Variants in CHAF1B observed in about 807,000 individuals in gnomAD.
CHAF1B encodes the protein chromatin assembly factor 1 subunit B.
A neutral mutation model predicts 60.7 loss-of-function variants in CHAF1B; 10 were observed. The ratio of observed to expected loss-of-function variants is 0.16; its 90% CI spans 0.10 to 0.28. The LOEUF (loss-of-function observed/expected upper bound fraction) is 0.28, where lower values mean the gene tolerates loss of function less well. CHAF1B is among the 10% of genes least tolerant of loss of function. CHAF1B has a pLI of 1.00. For synonymous variants in CHAF1B, 261 were observed against 266.1 expected, an observed-to-expected ratio of 0.98 and a Z score of 0.19; for missense variants, 558 against 708.4, an observed-to-expected ratio of 0.79 and a Z score of 2.41.
intron 13 of CHAF1B, among the ~76,000 whole-genome samples, 195 bp downstream of exon 13, chr21:36,415,584 G>A (rs1423135228): frequency 6.6e-6 from 1 of 152,092 alleles, no homozygotes; most frequent in African/African-American, 2.4e-5. Context: ...AGAGCATCCT[G>A]GTGAGCCAGG....
Position 36,413,005 on chromosome 21 carries a change from C to G in CHAF1B, c.1183C>G (p.Pro395Ala). Reference protein sequence around the residue: ...KEKPVLNMRTPDTAKKTKSQT... With the variant: ...KEKPVLNMRTADTAKKTKSQT... ...GAAGCCAGTTTTGAACATGAGAACT[C>G]CTGATACAGCAAAGAAAACCAAGAG... Residue 395 changes from proline (P) to alanine (A), a missense_variant, in exon 12 of 14, where the codon CCT (proline) becomes GCT (alanine). Coordinates refer to ENST00000314103, the MANE Select transcript of CHAF1B (RefSeq NM_005441.3). The G allele has an allele frequency of 6.2e-7, 1 of 1,614,176 alleles. No homozygotes were observed. Among genetic ancestry groups the G allele is most frequent in the Non-Finnish European group, 8.5e-7 (1 of 1,180,042 alleles).
At chr21:36,408,166 A>G (rs528684916) in intron 8 of CHAF1B, among the ~76,000 whole-genome samples, 1 of 152,324 alleles carries the variant, frequency 6.6e-6, no homozygotes, top group East Asian at 1.9e-4. Flanking sequence ...TATGATGGTC[A>G]CTCTGACAGG....
chr21:36,394,575 T>C lies in CHAF1B; in HGVS notation c.406T>C (p.Cys136Arg). Residue 136 changes from cysteine to arginine, a missense_variant, in exon 5 of 14, where the codon TGC becomes CGC. Physicochemically the swap from Cys to Arg is radical, Grantham distance 180. Coordinates refer to ENST00000314103, the MANE Select transcript of CHAF1B (RefSeq NM_005441.3). The stretch of plus-strand genomic sequence containing the variant: ...CCACTTAGAAGATGTGTATGATATT[T>C]GCTGGGCAACTGATGGGAATTTAAT... Reference protein sequence around the residue: ...RGHLEDVYDICWATDGNLMAS... With the variant: ...RGHLEDVYDIRWATDGNLMAS... 1 of 1,613,818 alleles carries C rather than the reference T, an allele frequency of 6.2e-7. No individual in the cohort carries two copies. The highest frequency in any genetic ancestry group is 8.5e-7 in the Non-Finnish European group (1 of 1,179,826).
intron 8 of CHAF1B, among the ~76,000 whole-genome samples, chr21:36,403,103 G>A (rs949137271): frequency 6.6e-6 from 1 of 152,138 alleles, no homozygotes; most frequent in African/African-American, 2.4e-5. Flanking sequence ...CCAAGTGATT[G>A]TAATGTGCAG....
At chr21:36,404,391 G>A (rs918133412) in intron 8 of CHAF1B, among the ~76,000 whole-genome samples, 16 of 147,666 alleles carry the variant, frequency 1.1e-4, no homozygotes, top group African/African-American at 3.0e-4. Flanking sequence ...GAGCCACCAC[G>A]CCCGGCCCTT....
intron 8 of CHAF1B, among the ~76,000 whole-genome samples, chr21:36,406,333 T>G (rs1288810542): frequency 6.6e-6 from 1 of 152,214 alleles, no homozygotes; most frequent in Non-Finnish European, 1.5e-5. Flanking sequence ...TCGCCCAGGC[T>G]TGAGAGCATT....
Position 36,386,279 on chromosome 21 carries a change from A to G in CHAF1B, c.126+17A>G, listed in dbSNP as rs1246581082. ...AATGTCAGGGTAAACTGGGGCAGAG[A>G]TAGACATCCGGGAACACTGCTTGAA... On this transcript the variant is annotated intron_variant, in intron 2 of 13. Coordinates refer to ENST00000314103, the MANE Select transcript of CHAF1B (RefSeq NM_005441.3). 6.2e-7 allele frequency: 1 copy of G among 1,612,962 alleles called. No homozygotes were observed. Among genetic ancestry groups the G allele is most frequent in the Non-Finnish European group, 8.5e-7 (1 of 1,179,548 alleles).
intron 7 of CHAF1B, among the ~76,000 whole-genome samples, chr21:36,401,635 ATAAT>A (rs928841561): frequency 7.1e-5 from 10 of 140,100 alleles, no homozygotes; most frequent in Non-Finnish European, 1.2e-4. Flanking sequence ...TATATTATAT[ATAAT>A]ATATATTTTT....
chr21:36,410,880 C>T (rs1259689129), intron 10 of CHAF1B, among the ~76,000 whole-genome samples: 1 of 151,922 alleles, frequency 6.6e-6, no homozygotes, highest in Admixed American at 6.6e-5. Flanking sequence ...AGTCTGGTTT[C>T]GAACTCCTGA....
intron 8 of CHAF1B, among the ~76,000 whole-genome samples, chr21:36,404,660 C>T (rs565222338): frequency 1.3e-5 from 2 of 150,268 alleles, no homozygotes; most frequent in African/African-American, 2.4e-5. Context: ...TCTCGAACTC[C>T]GGACCTCAGG....
Position 36,416,680 on chromosome 21 carries a change from G to A in CHAF1B, c.*314G>A, listed in dbSNP as rs1390097593. ...TCCTCCCTGGCATCCTCGTGAAAGT[G>A]CACACACTTCATGGAGGGACTCCTT... On this transcript the variant is annotated 3_prime_UTR_variant, in exon 14 of 14. Transcript: ENST00000314103. 3 of 229,200 alleles carry A rather than the reference G, an allele frequency of 1.3e-5. No homozygotes were observed. The highest frequency in any genetic ancestry group is 2.6e-5 in the Non-Finnish European group (3 of 117,248). 14.2% of individuals were successfully genotyped at this position (229,200 alleles called of 1,614,324 possible).
chr21:36,385,873 G>A (rs117809388), intron 1 of CHAF1B, among the ~76,000 whole-genome samples, 187 bp from the exon 2 acceptor site: 3,018 of 152,280 alleles, frequency 0.02, 54 homozygotes, highest in Admixed American at 0.043. Context: ...ATGTAGCGGC[G>A]TATCATAAAC....
intron 9 of CHAF1B, 104 bp downstream of exon 9, chr21:36,408,934 A>C: frequency 1.3e-6 from 1 of 743,396 alleles, no homozygotes; most frequent in Non-Finnish European, 2.3e-6. Flanking sequence ...TGCTCACTGC[A>C]ACCTCTGCCT....
At chr21:36,394,184 C>T (rs764394407) in intron 4 of CHAF1B, among the ~76,000 whole-genome samples, 16 of 151,490 alleles carry the variant, frequency 1.1e-4, no homozygotes, top group Non-Finnish European at 1.9e-4. Flanking sequence ...TCAAGTGATT[C>T]CCCTCCCTCA....
intron 9 of CHAF1B, among the ~76,000 whole-genome samples, 170 bp from the exon 10 acceptor site, chr21:36,409,204 T>C (rs2086259071): frequency 1.3e-5 from 2 of 150,648 alleles, no homozygotes; most frequent in African/African-American, 4.9e-5. Context: ...TTTCGTCATG[T>C]TGGCCAGGCT....
intron 2 of CHAF1B, 109 bp from the exon 3 acceptor site, chr21:36,387,489 G>A: frequency 7.1e-7 from 1 of 1,401,336 alleles, no homozygotes; most frequent in South Asian, 1.3e-5. Flanking sequence ...CTAAACTGCT[G>A]GGATTACAGT....
At chr21:36,402,194 C>T (rs1453524712) in intron 7 of CHAF1B, among the ~76,000 whole-genome samples, 1 of 152,066 alleles carries the variant, frequency 6.6e-6, no homozygotes, top group African/African-American at 2.4e-5. Flanking sequence ...TGGCATGTGC[C>T]TGTAGTCCCA....
intron 5 of CHAF1B, among the ~76,000 whole-genome samples, chr21:36,396,358 C>CAAAAAAAAAAAAAAAAAAAA (rs777079304): frequency 1.9e-5 from 1 of 52,832 alleles, no homozygotes; most frequent in African/African-American, 6.9e-5. Context: ...CCAAAAACCT[C>CAAAAAAAAAAAAAAAAAAAA]AAAAAAAAAA....
chr21:36,408,062 T>C (rs1263901483), intron 8 of CHAF1B, among the ~76,000 whole-genome samples: 1 of 152,194 alleles, frequency 6.6e-6, no homozygotes, highest in African/African-American at 2.4e-5. Context: ...CTGCCCTCCC[T>C]GGTGGATATG....
Sources: allele counts gnomAD v4.1 joint callset (sites outside exome capture counted in the v4.1 genomes callset), GRCh38; gene constraint gnomAD v4.1.1; transcripts MANE v1.5; gene names NCBI Gene and HGNC (gene_info 2026-07-23, HGNC 2026-07-21).